Variants in CDH13 observed in about 807,000 individuals in gnomAD.
CDH13 encodes the protein cadherin 13.
CDH13 carries 24 observed loss-of-function variants against 63.8 expected under a neutral mutation model. The ratio of observed to expected loss-of-function variants is 0.38; its 90% CI spans 0.27 to 0.53. The LOEUF (loss-of-function observed/expected upper bound fraction) is 0.53, where lower values mean the gene tolerates loss of function less well. Among genes scored for constraint, CDH13 ranks in the 20% least tolerant of loss-of-function variants. The pLI is 0.85. For synonymous variants in CDH13, 503 were observed against 355.3 expected (o/e 1.42, Z -4.67); for missense variants, 1,049 against 903.1 (o/e 1.16, Z -2.07).
At chr16:83,427,482 A>AGCCC (rs958058618) in intron 6 of CDH13, among the ~76,000 whole-genome samples, 9 of 152,190 alleles carry the variant, frequency 5.9e-5, no homozygotes. Flanking sequence ...TGAAGGTACC[A>AGCCC]GCCCCACTAA....
intron 4 of CDH13, among the ~76,000 whole-genome samples, chr16:83,208,874 A>C (rs2039255909): frequency 6.6e-6 from 1 of 152,210 alleles, no homozygotes; most frequent in Non-Finnish European, 1.5e-5. Flanking sequence ...TTTATCTAGA[A>C]GCTGCCTTGC....
chr16:83,440,556 G>T (rs1410665895), intron 6 of CDH13, among the ~76,000 whole-genome samples: 1 of 152,164 alleles, frequency 6.6e-6, no homozygotes, highest in Non-Finnish European at 1.5e-5. Context: ...AAGGCAGGCA[G>T]ATCTCTTGAG....
At chr16:83,569,135 C>T (rs150188914) in intron 7 of CDH13, among the ~76,000 whole-genome samples, 1 of 152,210 alleles carries the variant, frequency 6.6e-6, no homozygotes, top group African/African-American at 2.4e-5. Flanking sequence ...CCTATGAGGA[C>T]CTTGCCTGCC....
rs573951871 is a variant in CDH13, at chr16:83,412,538, C to A, written c.781+67532C>A. ...GTTTTTGAGAGTCAGGCATAAGCCC[C>A]CACCTTAGTGATACTGATGCAGCCA... is the stretch of plus-strand genomic sequence containing the variant. On this transcript the variant is annotated intron_variant, in intron 6 of 13. Coordinates refer to ENST00000567109, the MANE Select transcript of CDH13 (RefSeq NM_001257.5). Among the ~76,000 whole-genome samples, 3 of 152,308 alleles carry A rather than the reference C, an allele frequency of 2.0e-5. No individual in the cohort carries two copies. In the South Asian group the frequency reaches 6.2e-4, roughly 32 times the overall value.
chr16:82,685,685 G>C (rs1225929130), intron 1 of CDH13, among the ~76,000 whole-genome samples: 3 of 152,186 alleles, frequency 2.0e-5, no homozygotes, highest in Non-Finnish European at 1.5e-5. Flanking sequence ...CAGTCTGTGA[G>C]GGGGCCAGCA....
chr16:83,438,530 A>G (rs1286292737), intron 6 of CDH13, among the ~76,000 whole-genome samples: 2 of 152,222 alleles, frequency 1.3e-5, no homozygotes, highest in African/African-American at 4.8e-5. Context: ...AACTCCCTGG[A>G]GTCTTTATTT....
At chr16:83,791,664 A>G (rs1916273855) in intron 13 of CDH13, among the ~76,000 whole-genome samples, 1 of 151,792 alleles carries the variant, frequency 6.6e-6, no homozygotes, top group Non-Finnish European at 1.5e-5. Flanking sequence ...TACAAAAATT[A>G]GCTGGGTGTG....
rs753600689 is a variant in CDH13, at chr16:83,526,243, GT to G, written c.960+39595del. On this transcript the variant is annotated intron_variant, in intron 7 of 13. Coordinates refer to ENST00000567109, the MANE Select transcript of CDH13 (RefSeq NM_001257.5). ...GCGGTGGTGGTTATTGTTTTGTTTT[GT>G]TTTTTTCCTCTTTATTCTGAAAAGT... 2.0e-5 allele frequency among the ~76,000 whole-genome samples: 3 copies of G among 152,068 alleles called. No homozygotes were observed. In the South Asian group the frequency reaches 6.2e-4, roughly 32 times the overall value.
intron 2 of CDH13, among the ~76,000 whole-genome samples, chr16:82,890,787 G>C (rs2041054137): frequency 6.6e-6 from 1 of 151,926 alleles, no homozygotes; most frequent in Non-Finnish European, 1.5e-5. Flanking sequence ...GAATAGCTGA[G>C]ATTATATGCA....
chr16:82,913,647 C>T lies in CDH13; in HGVS notation c.157+55174C>T, dbSNP rs190437666. On this transcript the variant is annotated intron_variant, in intron 2 of 13. Transcript: ENST00000567109. ...ACCAGGCACAAGATGCGATCGCTGA[C>T]GAGAGAGCTGCTGTGACAGAGTAAG... Among the ~76,000 whole-genome samples, 173 of 152,212 alleles carry T rather than the reference C, an allele frequency of 1.1e-3. 1 individual carries two copies. The highest frequency in any genetic ancestry group is 4.0e-3 in the African/African-American group (164 of 41,512).
intron 11 of CDH13, among the ~76,000 whole-genome samples, chr16:83,757,394 A>G (rs1913599305): frequency 6.6e-6 from 1 of 152,144 alleles, no homozygotes; most frequent in Admixed American, 6.5e-5. Context: ...CCTGGCCAAC[A>G]TGGCAAAACC....
intron 2 of CDH13, among the ~76,000 whole-genome samples, chr16:82,904,135 G>GA (rs200185471): frequency 6.6e-6 from 1 of 151,898 alleles, no homozygotes; most frequent in African/African-American, 2.4e-5. Context: ...ATTTAAAGAA[G>GA]AAAAAAACAC....
At chr16:82,776,118 G>A (rs796532859) in intron 1 of CDH13, among the ~76,000 whole-genome samples, 12 of 152,270 alleles carry the variant, frequency 7.9e-5, no homozygotes, top group African/African-American at 2.9e-4. Flanking sequence ...GGTGAGGCAT[G>A]AGAATCGCTT....
At chr16:83,646,301 C>A (rs1157351985) in intron 8 of CDH13, among the ~76,000 whole-genome samples, 1 of 152,142 alleles carries the variant, frequency 6.6e-6, no homozygotes, top group African/African-American at 2.4e-5. Context: ...GTAGCGTACC[C>A]GGGTCATGAC....
intron 8 of CDH13, among the ~76,000 whole-genome samples, chr16:83,603,655 C>T (rs1406538197): frequency 2.6e-5 from 4 of 152,184 alleles, no homozygotes; most frequent in Non-Finnish European, 5.9e-5. Flanking sequence ...TGCCCCACTG[C>T]TCTCTGGAGG....
chr16:82,767,284 C>G (rs112564692), intron 1 of CDH13, among the ~76,000 whole-genome samples: 6,970 of 152,336 alleles, frequency 0.046, 218 homozygotes, highest in Non-Finnish European at 0.07. Context: ...CCTCAAGCCT[C>G]TTCCGAGTCA....
intron 7 of CDH13, among the ~76,000 whole-genome samples, chr16:83,581,682 A>G (rs1430827383): frequency 1.3e-5 from 2 of 152,188 alleles, no homozygotes; most frequent in African/African-American, 4.8e-5. Context: ...ATCCAGGCGT[A>G]GGGGTATGCC....
intron 7 of CDH13, among the ~76,000 whole-genome samples, chr16:83,585,431 G>A (rs1906051764): frequency 6.6e-6 from 1 of 152,152 alleles, no homozygotes; most frequent in African/African-American, 2.4e-5. Context: ...TTGACACGAG[G>A]GGGCCCCAGT....
Position 83,602,469 on chromosome 16 carries a change from A to G in CDH13, c.976A>G (p.Lys326Glu), listed in dbSNP as rs1456166403. 1 of 1,613,926 alleles carries G rather than the reference A, an allele frequency of 6.2e-7. No individual in the cohort carries two copies. ...LLDRETLENPKYELIIEAQDM... is the reference protein window; with the variant it reads ...LLDRETLENPEYELIIEAQDM... ...TGCTTTGTAGACTCTGGAAAATCCC[A>G]AGTATGAACTGATCATCGAGGCTCA... The change falls in exon 8 of 14, where the codon AAG (lysine) becomes GAG (glutamate). Residue 326 changes from lysine to glutamate, a missense_variant. Lys to Glu is a moderately conservative substitution (Grantham distance 56). Coordinates refer to ENST00000567109, the MANE Select transcript of CDH13 (RefSeq NM_001257.5).
Sources: allele counts gnomAD v4.1 joint callset (sites outside exome capture counted in the v4.1 genomes callset), GRCh38; gene constraint gnomAD v4.1.1; transcripts MANE v1.5; gene names NCBI Gene and HGNC (gene_info 2026-07-23, HGNC 2026-07-21).